Variants in MACC1 observed in about 807,000 individuals in gnomAD.
MACC1 encodes the protein metastasis-associated in colon cancer protein 1.
In MACC1, 79 loss-of-function variants were observed where a neutral mutation model predicts 70.7. That is an observed-to-expected ratio of 1.12 (90% CI 0.93 to 1.35). MACC1 has a LOEUF of 1.35. MACC1 is among the 40% of genes most tolerant of loss of function. The pLI is 0.00. For synonymous variants in MACC1, 361 were observed against 347.2 expected (o/e 1.04, Z -0.44); for missense variants, 1,106 against 978.1 (o/e 1.13, Z -1.74).
At chr7:20,174,589 G>C (rs946028998) in intron 1 of MACC1, among the ~76,000 whole-genome samples, 1 of 152,008 alleles carries the variant, frequency 6.6e-6, no homozygotes. Flanking sequence ...AAAAGTACGA[G>C]AATAAAATAA....
chr7:20,172,472 A>AAT (rs1270429733), intron 1 of MACC1, among the ~76,000 whole-genome samples: 2 of 152,166 alleles, frequency 1.3e-5, no homozygotes, highest in Non-Finnish European at 2.9e-5. Context: ...AAAATATATA[A>AAT]ATATATATAC....
At chr7:20,190,185 C>A (rs1226176938) in intron 1 of MACC1, among the ~76,000 whole-genome samples, 1 of 152,202 alleles carries the variant, frequency 6.6e-6, no homozygotes, top group Non-Finnish European at 1.5e-5. Flanking sequence ...GTACATGGGA[C>A]TCTGATTTCT....
intron 1 of MACC1, among the ~76,000 whole-genome samples, chr7:20,216,911 A>G (rs1227059279): frequency 6.6e-6 from 1 of 152,174 alleles, no homozygotes; most frequent in African/African-American, 2.4e-5. Flanking sequence ...TCTATCTTCA[A>G]AGCACAGTCT....
chr7:20,193,073 T>A (rs1782696614), intron 1 of MACC1, among the ~76,000 whole-genome samples: 1 of 152,128 alleles, frequency 6.6e-6, no homozygotes, highest in Non-Finnish European at 1.5e-5. Flanking sequence ...CAAAATAGAA[T>A]CTGTCCCCAG....
chr7:20,141,939 A>ACG (rs1554287221), intron 6 of MACC1: 1 of 140,802 alleles, frequency 7.1e-6, no homozygotes, highest in Non-Finnish European at 1.6e-5. Context: ...ACACACACAC[A>ACG]CGCACACACA....
In MACC1 at chr7:20,180,449, G is replaced by A. The variant is rs530963569; in HGVS notation, c.-217-9671C>T. Among the ~76,000 whole-genome samples, 83 of 144,566 alleles carry A rather than the reference G, an allele frequency of 5.7e-4. No homozygotes were observed. In the South Asian group the frequency reaches 0.016, roughly 28 times the overall value. 94.8% of individuals were successfully genotyped at this position (144,566 alleles called of 152,430 possible). A position where few individuals can be genotyped will look rare whatever the true frequency, so the allele number is the denominator to read the frequency against. ...AAAGCAAGACTCCATCTAAAAAAAAGGAAAAAAAAAAGAAAAAAAAATGTA... is the reference window on the plus strand; with the variant it reads ...AAAGCAAGACTCCATCTAAAAAAAAAGAAAAAAAAAAGAAAAAAAAATGTA... On this transcript the variant is annotated intron_variant, in intron 1 of 6. Coordinates refer to ENST00000400331, the MANE Select transcript of MACC1 (RefSeq NM_182762.4).
Position 20,159,401 on chromosome 7 carries a change from A to G in MACC1, c.960T>C (p.Phe320=), listed in dbSNP as rs760640215. Residue 320 remains phenylalanine (F), a synonymous_variant, in exon 5 of 7, where the codon TTT becomes TTC. Coordinates refer to ENST00000400331, the MANE Select transcript of MACC1 (RefSeq NM_182762.4). The part of the protein sequence containing the change: ...CLHSLGKEGP[F]KVLSNCYIYK... ...AAATGTAGCAGTTGCTTAAAACTTT[A>G]AAAGGGCCTTCTTTACCCAAGCTGT... 17 of 1,614,028 alleles carry G rather than the reference A, an allele frequency of 1.1e-5. No individual in the cohort carries two copies. The South Asian group carries it at 1.8e-4, about 17-fold the overall frequency.
intron 6 of MACC1, among the ~76,000 whole-genome samples, chr7:20,149,047 A>C (rs985593773): frequency 6.6e-6 from 1 of 152,214 alleles, no homozygotes; most frequent in Non-Finnish European, 1.5e-5. Context: ...TTGCCATGTA[A>C]GCCAGAAAAC....
chr7:20,135,055 TA>T lies in MACC1; in HGVS notation c.*5890del, dbSNP rs1283757630. 6.6e-6 allele frequency: 1 copy of T among 152,224 alleles called. No homozygotes were observed. The highest frequency in any genetic ancestry group is 1.5e-5 in the Non-Finnish European group (1 of 68,034). 9.4% of individuals were successfully genotyped at this position (152,224 alleles called of 1,614,324 possible). A position where few individuals can be genotyped will look rare whatever the true frequency, so the allele number is the denominator to read the frequency against. On this transcript the variant is annotated 3_prime_UTR_variant, in exon 7 of 7. Transcript: ENST00000400331. ...AGATAGCTGTATTGATCACATTGAT[TA>T]AAAACATTTTTTTCAATGGGAAAAA...
rs1562576802 is a variant in MACC1, at chr7:20,138,179, A to AAAAAAAAAAAAAAAAAAAC, written c.*2766_*2767insGTTTTTTTTTTTTTTTTTT. The AAAAAAAAAAAAAAAAAAAC allele has an allele frequency of 2.2e-5, 3 of 139,362 alleles. No individual in the cohort carries two copies. Among genetic ancestry groups the AAAAAAAAAAAAAAAAAAAC allele is most frequent in the African/African-American group, 2.8e-5 (1 of 36,200 alleles). 8.6% of individuals were successfully genotyped at this position (139,362 alleles called of 1,614,324 possible). On this transcript the variant is annotated 3_prime_UTR_variant, in exon 7 of 7. Transcript: ENST00000400331. ...AAAAAAAAAAAAAAAAAAAAAAAAAAAAATTTCCCCTGGAAGGATTTGTTA... is the reference window on the plus strand; with the variant it reads ...AAAAAAAAAAAAAAAAAAAAAAAAAAAAAAAAAAAAAAAAAAAACAAATTTCCCCTGGAAGGATTTGTTA...
intron 1 of MACC1, among the ~76,000 whole-genome samples, chr7:20,205,355 T>C (rs1315362750): frequency 1.3e-5 from 2 of 152,224 alleles, no homozygotes; most frequent in Admixed American, 1.3e-4. Flanking sequence ...CAGATATTCT[T>C]AAAATATATT....
In MACC1 at chr7:20,148,833, T is replaced by C. The variant is rs1781933447; in HGVS notation, c.2346+5360A>G. On this transcript the variant is annotated intron_variant, in intron 6 of 6. Transcript: ENST00000400331. Reference sequence around the variant, plus strand: ...TGTGCCAAATCTCTAGTTCAAACAATGGAGATTTGAGATATCATTCTATAC... The same window carrying C: ...TGTGCCAAATCTCTAGTTCAAACAACGGAGATTTGAGATATCATTCTATAC... Among the ~76,000 whole-genome samples the C allele has an allele frequency of 2.0e-5, 3 of 152,228 alleles. No homozygotes were observed. In the South Asian group the frequency reaches 6.2e-4, roughly 31 times the overall value.
chr7:20,164,162 C>T (rs964653172), intron 3 of MACC1, 94 bp downstream of exon 3: 1 of 152,338 alleles, frequency 6.6e-6, no homozygotes, highest in African/African-American at 2.4e-5. Flanking sequence ...GTCTCGAACT[C>T]CTGACCTCAG....
intron 1 of MACC1, among the ~76,000 whole-genome samples, chr7:20,215,107 T>C (rs1783050172): frequency 1.3e-5 from 2 of 151,908 alleles, no homozygotes; most frequent in African/African-American, 2.4e-5. Context: ...TATTTATTTA[T>C]TTATTTATTT....
intron 2 of MACC1, among the ~76,000 whole-genome samples, chr7:20,166,228 A>G (rs1782216489): frequency 6.6e-6 from 1 of 152,224 alleles, no homozygotes; most frequent in African/African-American, 2.4e-5. Flanking sequence ...AAACATGTCC[A>G]TGTAGGCTAT....
At position 20,158,201 on chromosome 7, in the gene MACC1, C is replaced by A. The variant is rs1353386368; in HGVS notation, c.2157+3G>T. The A allele has an allele frequency of 6.4e-7, 1 of 1,558,388 alleles. No individual in the cohort carries two copies. The highest frequency in any genetic ancestry group is 1.3e-5 in the South Asian group (1 of 79,364). ...TTCATTACCATGATCAAGCAATACT[C>A]ACCACAATAAGTTCATACAGAAACT... On this transcript the variant is annotated splice_donor_region_variant and intron_variant, in intron 5 of 6. Transcript: ENST00000400331.
At position 20,137,273 on chromosome 7, in the gene MACC1, C is replaced by T. The variant is rs1305393936; in HGVS notation, c.*3673G>A. On this transcript the variant is annotated 3_prime_UTR_variant, in exon 7 of 7. Coordinates refer to ENST00000400331, the MANE Select transcript of MACC1 (RefSeq NM_182762.4). Reference sequence around the variant, plus strand: ...ATTAGTAGCAGCAGTGTTTCTCAGCCCAATGCCATCCATTGATTTAGCATT... The same window carrying T: ...ATTAGTAGCAGCAGTGTTTCTCAGCTCAATGCCATCCATTGATTTAGCATT... 1 of 152,162 alleles carries T rather than the reference C, an allele frequency of 6.6e-6. No homozygotes were observed. Among genetic ancestry groups the T allele is most frequent in the Admixed American group, 6.5e-5 (1 of 15,268 alleles). The allele number at this position is 152,162 out of a possible 1,614,324, so 9.4% of individuals were successfully genotyped here.
At chr7:20,179,796 C>A (rs1192045494) in intron 1 of MACC1, among the ~76,000 whole-genome samples, 2 of 152,108 alleles carry the variant, frequency 1.3e-5, no homozygotes, top group Non-Finnish European at 2.9e-5. Flanking sequence ...CTGTCTCAAA[C>A]AAAGATCTTT....
chr7:20,198,072 G>T (rs1017025365), intron 1 of MACC1, among the ~76,000 whole-genome samples: 1 of 99,880 alleles, frequency 1.0e-5, no homozygotes, highest in Non-Finnish European at 2.1e-5. Context: ...TTACCACAGT[G>T]GCTAATCCAG....
Sources: allele counts gnomAD v4.1 joint callset (sites outside exome capture counted in the v4.1 genomes callset), GRCh38; gene constraint gnomAD v4.1.1; transcripts MANE v1.5; gene names NCBI Gene and HGNC (gene_info 2026-07-23, HGNC 2026-07-21).